TEX11: variants seen among roughly 807,000 people sequenced by gnomAD.
TEX11 encodes the protein testis-expressed protein 11.
A neutral mutation model predicts 84.4 loss-of-function variants in TEX11; 7 were observed. The ratio of observed to expected loss-of-function variants is 0.08; its 90% CI spans 0.05 to 0.16. TEX11 has a LOEUF of 0.16. Ranked by LOEUF, TEX11 falls within the 10% of genes least tolerant of loss-of-function variation. The pLI, the probability that TEX11 is intolerant of heterozygous loss-of-function variation, is 1.00. For synonymous variants in TEX11, 264 were observed against 222.8 expected (o/e 1.18, Z -1.64); for missense variants, 551 against 660.5 (o/e 0.83, Z 1.82).
At chrX:70,688,537 T>C (rs1405800712) in intron 13 of TEX11, among the ~76,000 whole-genome samples, 1 of 109,855 alleles carries the variant, frequency 9.1e-6, no homozygotes, top group East Asian at 2.8e-4. Context: ...ATTGCAGAAA[T>C]GGCACAAAAG....
At chrX:70,761,857 T>C (rs1371921232) in intron 9 of TEX11, among the ~76,000 whole-genome samples, 3 of 110,962 alleles carry the variant, frequency 2.7e-5, no homozygotes, top group Non-Finnish European at 5.7e-5. Context: ...CCTCAAGTAT[T>C]TAAAAATCAA....
chrX:70,541,875 C>A (rs943882504), intron 28 of TEX11, among the ~76,000 whole-genome samples: 7 of 112,268 alleles, frequency 6.2e-5, no homozygotes, highest in Non-Finnish European at 1.3e-4. Context: ...CTTGAACAAT[C>A]GACTTCTTCT....
At chrX:70,698,973 T>C (rs1416282014) in intron 13 of TEX11, among the ~76,000 whole-genome samples, 2 of 111,896 alleles carry the variant, frequency 1.8e-5, no homozygotes, top group Admixed American at 9.5e-5. Context: ...CCCTTGAATC[T>C]AGACTGGCTC....
chrX:70,722,826 T>G (rs895529624), intron 12 of TEX11, 130 bp from the exon 13 acceptor site: 8 of 503,567 alleles, frequency 1.6e-5, no homozygotes, highest in Admixed American at 6.8e-5. Context: ...GCCTAAAAAT[T>G]TATCAAAATC....
At chrX:70,568,498 T>C (rs1226891731) in intron 25 of TEX11, among the ~76,000 whole-genome samples, 2 of 110,657 alleles carry the variant, frequency 1.8e-5, no homozygotes, top group Non-Finnish European at 3.8e-5. Context: ...TTCTTCCTAG[T>C]CTCGATGGTC....
At chrX:70,830,571 G>A (rs2091371869) in intron 8 of TEX11, among the ~76,000 whole-genome samples, 1 of 111,940 alleles carries the variant, frequency 8.9e-6, no homozygotes, top group Admixed American at 9.5e-5. Flanking sequence ...GTCTGATAAA[G>A]AGTTAATCTC....
At chrX:70,712,894 G>T (rs1309374322) in intron 13 of TEX11, among the ~76,000 whole-genome samples, 26 of 111,236 alleles carry the variant, frequency 2.3e-4, no homozygotes, top group African/African-American at 7.9e-4. Flanking sequence ...TGCTTCCAGT[G>T]TTTGCCCATT....
chrX:70,820,271 C>T (rs2091311831), intron 8 of TEX11, among the ~76,000 whole-genome samples: 1 of 111,660 alleles, frequency 9.0e-6, no homozygotes, highest in African/African-American at 3.3e-5. Context: ...CACACATTCA[C>T]AGGCAACTGA....
At chrX:70,857,346 A>G (rs2091542367) in intron 5 of TEX11, 1 of 128,416 alleles carries the variant, frequency 7.8e-6, no homozygotes, top group Non-Finnish European at 1.6e-5. Flanking sequence ...GGTATCCAGC[A>G]AATTGAAACA....
chrX:70,887,640 G>A (rs967869856), intron 2 of TEX11, among the ~76,000 whole-genome samples: 8 of 112,458 alleles, frequency 7.1e-5, no homozygotes, highest in Admixed American at 6.6e-4. Context: ...CAGGGCCTGG[G>A]AGAACTCCAT....
intron 13 of TEX11, among the ~76,000 whole-genome samples, chrX:70,688,669 A>G (rs141783654): frequency 4.2e-4 from 46 of 109,542 alleles, no homozygotes; most frequent in Non-Finnish European, 8.0e-4. Context: ...GTGTGATACT[A>G]TAATAGCAGA....
At chrX:70,877,290 T>C (rs1227590428) in intron 3 of TEX11, among the ~76,000 whole-genome samples, 33 of 104,257 alleles carry the variant, frequency 3.2e-4, no homozygotes, top group Non-Finnish European at 5.4e-4. Context: ...TGTGATTGTC[T>C]TAAAAAAAAA....
chrX:70,587,681 C>G (rs2088872122), intron 25 of TEX11, among the ~76,000 whole-genome samples: 1 of 112,251 alleles, frequency 8.9e-6, no homozygotes, highest in South Asian at 3.7e-4. Flanking sequence ...AGCCCCCACA[C>G]AGAGTCCCCA....
chrX:70,529,294 T>C, intron 29 of TEX11, 107 bp from the exon 30 acceptor site: 1 of 531,672 alleles, frequency 1.9e-6, no homozygotes, highest in South Asian at 3.3e-5. Context: ...CCTTCGGAGA[T>C]CTGAAGCATC....
At chrX:70,720,130 A>T (rs1275403674) in intron 13 of TEX11, among the ~76,000 whole-genome samples, 12 of 112,155 alleles carry the variant, frequency 1.1e-4, no homozygotes, top group East Asian at 2.8e-4. Context: ...CAAATGTCCA[A>T]CAATGATAGA....
At chrX:70,635,752 G>A in intron 17 of TEX11, among the ~76,000 whole-genome samples, 1 of 110,346 alleles carries the variant, frequency 9.1e-6, no homozygotes, top group Middle Eastern at 4.7e-3. Flanking sequence ...TAGGATCCAG[G>A]CCTACTCAGT....
At chrX:70,643,341 C>A in intron 17 of TEX11, among the ~76,000 whole-genome samples, 1 of 97,730 alleles carries the variant, frequency 1.0e-5, no homozygotes, top group South Asian at 5.4e-4. Flanking sequence ...AATGGCCATA[C>A]TGCCCAAGGT....
At chrX:70,595,009 G>GA (rs1017209028) in intron 24 of TEX11, among the ~76,000 whole-genome samples, 25 of 111,486 alleles carry the variant, frequency 2.2e-4, no homozygotes, top group East Asian at 5.6e-4. Flanking sequence ...TAATCTACAG[G>GA]AAAAAATGAG....
chrX:70,650,635 A>G (rs1378197477), intron 17 of TEX11, among the ~76,000 whole-genome samples: 1 of 111,997 alleles, frequency 8.9e-6, no homozygotes, highest in African/African-American at 3.2e-5. Context: ...TTTAATGTAA[A>G]ATAAATGATC....
Sources: allele counts gnomAD v4.1 joint callset (sites outside exome capture counted in the v4.1 genomes callset), GRCh38; gene constraint gnomAD v4.1.1; transcripts MANE v1.5; gene names NCBI Gene and HGNC (gene_info 2026-07-23, HGNC 2026-07-21).